THSD7B: variants seen among roughly 807,000 people sequenced by gnomAD.
THSD7B encodes thrombospondin type-1 domain-containing protein 7B.
THSD7B carries 138 observed loss-of-function variants against 213.6 expected under a neutral mutation model. The observed-to-expected ratio is 0.65, with a 90% CI of 0.56 to 0.74. The LOEUF (loss-of-function observed/expected upper bound fraction) is 0.74. THSD7B is among the 30% of genes least tolerant of loss of function. The probability of loss-of-function intolerance (pLI) is 0.00; values close to 1 mark genes in which losing one functional copy is unlikely to be tolerated. For missense variants in THSD7B, 1,931 were observed against 1,991.5 expected, an observed-to-expected ratio of 0.97 and a Z score of 0.58; for synonymous variants, 742 against 687.0, an observed-to-expected ratio of 1.08 and a Z score of -1.25.
At chr2:137,339,021 AATCTGTAATCTCTTTTTTGAT>A (rs1389396382) in intron 12 of THSD7B, among the ~76,000 whole-genome samples, 3 of 152,110 alleles carry the variant, frequency 2.0e-5, no homozygotes, top group Non-Finnish European at 4.4e-5. Flanking sequence ...ACTCTCAAGA[AATCTGTAATCTCTTTTTTGAT>A]AACATAAAGA....
intron 12 of THSD7B, among the ~76,000 whole-genome samples, chr2:137,302,586 A>G (rs1179810320): frequency 6.6e-6 from 1 of 152,138 alleles, no homozygotes; most frequent in Non-Finnish European, 1.5e-5. Context: ...TCTTGTAAAA[A>G]GTTTTGATGT....
chr2:137,230,954 TG>T lies in THSD7B; in HGVS notation c.1724-83del, dbSNP rs34640721. On this transcript the variant is annotated intron_variant, in intron 7 of 27. Transcript: ENST00000409968. ...GAATGGCTGAAGAAACTATCATTTT[TG>T]GGGGGGTACTTTAAACTGAAGTAAT... 1.5e-5 allele frequency: 18 copies of T among 1,221,022 alleles called. 1 individual carries two copies. The South Asian group carries it at 1.5e-4, about 10-fold the overall frequency. The allele number at this position is 1,221,022 out of a possible 1,614,324, so 75.6% of individuals were successfully genotyped here. A position where few individuals can be genotyped will look rare whatever the true frequency, so the allele number is the denominator to read the frequency against.
At chr2:136,767,516 CCTG>C (rs1460401080) in intron 1 of THSD7B, among the ~76,000 whole-genome samples, 2 of 136,614 alleles carry the variant, frequency 1.5e-5, no homozygotes, top group Non-Finnish European at 3.3e-5. Flanking sequence ...TCTTCATCTA[CCTG>C]CTGAGAGTTG....
At chr2:137,304,966 C>T (rs1683709436) in intron 12 of THSD7B, among the ~76,000 whole-genome samples, 1 of 152,016 alleles carries the variant, frequency 6.6e-6, no homozygotes. Flanking sequence ...AGGATATACC[C>T]ATGGGGGCTT....
intron 4 of THSD7B, among the ~76,000 whole-genome samples, chr2:137,106,209 T>A (rs541646654): frequency 6.6e-6 from 1 of 152,116 alleles, no homozygotes; most frequent in South Asian, 2.1e-4. Flanking sequence ...TATAGACCAA[T>A]GGAGCAGAAC....
At chr2:136,811,170 T>C (rs1192061198) in intron 1 of THSD7B, among the ~76,000 whole-genome samples, 1 of 152,194 alleles carries the variant, frequency 6.6e-6, no homozygotes, top group Non-Finnish European at 1.5e-5. Context: ...TCCCCACTGC[T>C]GAATCTCCCA....
chr2:137,455,375 A>G (rs1279545007), intron 15 of THSD7B, among the ~76,000 whole-genome samples: 1 of 152,168 alleles, frequency 6.6e-6, no homozygotes, highest in African/African-American at 2.4e-5. Flanking sequence ...CATTGCCCAA[A>G]AAGTCTTTAC....
At chr2:136,917,052 C>G (rs1684361892) in intron 2 of THSD7B, among the ~76,000 whole-genome samples, 2 of 152,140 alleles carry the variant, frequency 1.3e-5, no homozygotes, top group Admixed American at 6.5e-5. Context: ...CTGGTTTTAT[C>G]AGTCTCATAG....
intron 25 of THSD7B, among the ~76,000 whole-genome samples, chr2:137,660,842 T>G (rs532676655): frequency 6.6e-6 from 1 of 152,226 alleles, no homozygotes; most frequent in Non-Finnish European, 1.5e-5. Context: ...ATCATATTTA[T>G]GTTATTATTA....
At chr2:137,520,922 A>T (rs1680172420) in intron 15 of THSD7B, among the ~76,000 whole-genome samples, 1 of 152,160 alleles carries the variant, frequency 6.6e-6, no homozygotes, top group Admixed American at 6.5e-5. Flanking sequence ...AACACTCTTC[A>T]AGTTGTTTGA....
chr2:137,571,894 T>G (rs1573716779), intron 16 of THSD7B, among the ~76,000 whole-genome samples: 1 of 152,172 alleles, frequency 6.6e-6, no homozygotes, highest in Non-Finnish European at 1.5e-5. Flanking sequence ...ATATTTTTCA[T>G]ATTACTTTGC....
rs961086201 is a variant in THSD7B, at chr2:136,930,869, A to T, written c.139+48552A>T. On this transcript the variant is annotated intron_variant, in intron 2 of 27. Transcript: ENST00000409968. ...TTGATTATATATTTATAATCGATATAACACAGGCCTAAGAGACGTCTGCCC... is the reference window on the plus strand; with the variant it reads ...TTGATTATATATTTATAATCGATATTACACAGGCCTAAGAGACGTCTGCCC... Among the ~76,000 whole-genome samples the T allele has an allele frequency of 2.6e-5, 4 of 152,158 alleles. No homozygotes were observed. In the South Asian group the frequency reaches 8.3e-4, roughly 31 times the overall value.
chr2:137,190,113 G>T (rs1047233736), intron 7 of THSD7B, among the ~76,000 whole-genome samples: 1 of 152,154 alleles, frequency 6.6e-6, no homozygotes, highest in Non-Finnish European at 1.5e-5. Context: ...GGCTTGGAAG[G>T]TCTAGATCAC....
chr2:137,500,626 G>A lies in THSD7B; in HGVS notation c.3138+49603G>A, dbSNP rs565960634. ...GCTCTGTGAAGCTATCTTTTAAATCGTAAAATGAACATACTAATATGTATG... is the reference window on the plus strand; with the variant it reads ...GCTCTGTGAAGCTATCTTTTAAATCATAAAATGAACATACTAATATGTATG... On this transcript the variant is annotated intron_variant, in intron 15 of 27. Transcript: ENST00000409968. Among the ~76,000 whole-genome samples, 44 of 152,318 alleles carry A rather than the reference G, an allele frequency of 2.9e-4. 1 individual carries two copies. The South Asian group carries it at 6.9e-3, about 24-fold the overall frequency.
intron 15 of THSD7B, among the ~76,000 whole-genome samples, chr2:137,560,526 C>A (rs6705253): frequency 0.54 from 82,075 of 151,756 alleles, 22,783 homozygotes; most frequent in South Asian, 0.67. Context: ...AACACATGGA[C>A]ACAGGAGGGG....
At chr2:137,241,640 C>T (rs953657781) in intron 9 of THSD7B, among the ~76,000 whole-genome samples, 3 of 151,960 alleles carry the variant, frequency 2.0e-5, no homozygotes, top group Non-Finnish European at 4.4e-5. Context: ...TGACTGGGCT[C>T]GGTGGCTCAC....
chr2:137,105,453 T>C (rs1173753304), intron 4 of THSD7B, among the ~76,000 whole-genome samples: 1 of 152,204 alleles, frequency 6.6e-6, no homozygotes, highest in Admixed American at 6.5e-5. Context: ...AATATCATAC[T>C]GAACGAGCAA....
chr2:137,133,768 A>G (rs1688783271), intron 5 of THSD7B, among the ~76,000 whole-genome samples: 1 of 152,326 alleles, frequency 6.6e-6, no homozygotes, highest in Middle Eastern at 3.4e-3. Flanking sequence ...TATCCAAAGG[A>G]CTATCATTTC....
chr2:137,341,424 T>G (rs1684758792), intron 12 of THSD7B, among the ~76,000 whole-genome samples: 1 of 151,632 alleles, frequency 6.6e-6, no homozygotes, highest in Non-Finnish European at 1.5e-5. Context: ...CCTTGCTATG[T>G]AGAAGCTTTT....
Sources: gnomAD v4.1 joint callset for allele counts (sites outside exome capture counted in the v4.1 genomes callset) on GRCh38, gnomAD v4.1.1 for gene constraint, MANE v1.5 for transcripts, NCBI Gene and HGNC (gene_info 2026-07-23, HGNC 2026-07-21) for gene names.